Variants in CAMK2B observed in about 807,000 individuals in gnomAD.
CAMK2B encodes the protein calcium/calmodulin dependent protein kinase II beta, also known as calcium/calmodulin-dependent protein kinase type II subunit beta.
Under a neutral mutation model 93.7 loss-of-function variants are expected in CAMK2B, and 27 were observed. The ratio of observed to expected loss-of-function variants is 0.29; its 90% confidence interval spans 0.21 to 0.40. CAMK2B has a LOEUF of 0.40. Ranked by LOEUF, CAMK2B falls within the 10% of genes least tolerant of loss-of-function variation. The pLI, the probability that CAMK2B is intolerant of heterozygous loss-of-function variation, is 1.00. For missense variants in CAMK2B, 568 were observed against 895.8 expected, an observed-to-expected ratio of 0.63 and a Z score of 4.67; for synonymous variants, 374 against 358.8, an observed-to-expected ratio of 1.04 and a Z score of -0.48.
chr7:44,262,787 G>A lies in CAMK2B; in HGVS notation c.220+218C>T, dbSNP rs868676096. 7.2e-5 allele frequency among the ~76,000 whole-genome samples: 11 copies of A among 152,174 alleles called. 2 individuals are homozygous for A. The South Asian group carries it at 1.0e-3, about 14-fold the overall frequency. On this transcript the variant is annotated intron_variant, in intron 3 of 23. Coordinates refer to ENST00000395749, the MANE Select transcript of CAMK2B (RefSeq NM_001220.5). Reference sequence around the variant, plus strand: ...CAGAGCCCCACCTTGGGGCTGCCCCGGCTCTGAGCACCCCCGGGAATCATG... The same window carrying A: ...CAGAGCCCCACCTTGGGGCTGCCCCAGCTCTGAGCACCCCCGGGAATCATG...
chr7:44,226,668 G>A (rs201096483), intron 19 of CAMK2B, 24 bp from the exon 20 acceptor site: 292 of 1,517,592 alleles, frequency 1.9e-4, no homozygotes, highest in Middle Eastern at 9.4e-4. Flanking sequence ...GACGAGACGT[G>A]AACACAAGGC....
rs372486674 is a variant in CAMK2B, at chr7:44,220,122, G to A, written c.1941C>T (p.Asp647=). The A allele has an allele frequency of 9.6e-5, 155 of 1,611,430 alleles. 2 individuals are homozygous for A. The highest frequency in any genetic ancestry group is 2.3e-4 in the African/African-American group (17 of 75,052). ...SEETRVWHRR[D]GKWQNVHFHC... ...GGAAGTGCACGTTCTGCCACTTGCCGTCGCGGCGGTGCCACACGCGGGTCT... is the reference window on the plus strand; with the variant it reads ...GGAAGTGCACGTTCTGCCACTTGCCATCGCGGCGGTGCCACACGCGGGTCT... The change falls in exon 23 of 24, where the codon GAC becomes GAT. Residue 647 remains aspartate (D), a synonymous_variant. Coordinates refer to ENST00000395749, the MANE Select transcript of CAMK2B (RefSeq NM_001220.5).
At chr7:44,279,396 G>A (rs554507406) in intron 2 of CAMK2B, among the ~76,000 whole-genome samples, 1 of 152,376 alleles carries the variant, frequency 6.6e-6, no homozygotes, top group South Asian at 2.1e-4. Context: ...GAGGGCCTGT[G>A]TACAACTCGA....
intron 20 of CAMK2B, among the ~76,000 whole-genome samples, chr7:44,222,281 C>A (rs1451578924): frequency 6.6e-6 from 1 of 152,200 alleles, no homozygotes; most frequent in Non-Finnish European, 1.5e-5. Flanking sequence ...GCAGGCCGCA[C>A]CTGGGACACC....
At chr7:44,232,789 G>A in intron 16 of CAMK2B, 33 bp downstream of exon 16, 1 of 1,608,672 alleles carries the variant, frequency 6.2e-7, no homozygotes, top group Non-Finnish European at 8.5e-7. Flanking sequence ...CCTCCTGCCT[G>A]GGGAAAGCGG....
In CAMK2B at chr7:44,286,231, G is replaced by T; in HGVS notation, c.66-2006C>A. Among the ~76,000 whole-genome samples, 1 of 152,068 alleles carries T rather than the reference G, an allele frequency of 6.6e-6. No individual in the cohort carries two copies. Among genetic ancestry groups the T allele is most frequent in the East Asian group, 1.9e-4 (1 of 5,158 alleles). On this transcript the variant is annotated intron_variant, in intron 1 of 23. Transcript: ENST00000395749. This position sits in a 1 kb window ranked among gnomAD's most constrained non-coding sequence, Gnocchi z 4.0. ...GTAAGAGCTTCCCGAAACCAGTCCT[G>T]AGCTACCATCTGTCACGCTCTGACC...
chr7:44,254,187 C>T (rs2096810019), intron 5 of CAMK2B, among the ~76,000 whole-genome samples: 1 of 152,216 alleles, frequency 6.6e-6, no homozygotes, highest in Non-Finnish European at 1.5e-5. Flanking sequence ...GACCATCTGT[C>T]CCTCTTCATC....
At position 44,228,771 on chromosome 7, in the gene CAMK2B, G is replaced by A. The variant is rs746099954; in HGVS notation, c.1468+25C>T. Reference sequence around the variant, plus strand: ...CAGGGAGCTGTCCGGCAGCAGAGGCGGCAGGCCTGGGGGCCACTACTTACA... The same window carrying A: ...CAGGGAGCTGTCCGGCAGCAGAGGCAGCAGGCCTGGGGGCCACTACTTACA... On this transcript the variant is annotated intron_variant, in intron 19 of 23. Coordinates refer to ENST00000395749, the MANE Select transcript of CAMK2B (RefSeq NM_001220.5). 105 of 1,443,830 alleles carry A rather than the reference G, an allele frequency of 7.3e-5. No individual in the cohort carries two copies. In the East Asian group the frequency reaches 1.1e-3, roughly 15 times the overall value. The allele number at this position is 1,443,830 out of a possible 1,614,324, so 89.4% of individuals were successfully genotyped here.
intron 2 of CAMK2B, among the ~76,000 whole-genome samples, chr7:44,263,674 C>A (rs2096900080): frequency 6.6e-6 from 1 of 152,176 alleles, no homozygotes; most frequent in Non-Finnish European, 1.5e-5. Context: ...CTTGGGTGGC[C>A]CCTCCACTGG....
At position 44,243,970 on chromosome 7, in the gene CAMK2B, T is replaced by G. The variant is rs115885033; in HGVS notation, c.415-443A>C. The stretch of plus-strand genomic sequence containing the variant: ...ACTGGCTGAGAGGCTGCAATGGCCC[T>G]CCCTTCCCTCCCTGTTTCTCACTCC... On this transcript the variant is annotated intron_variant, in intron 6 of 23. Coordinates refer to ENST00000395749, the MANE Select transcript of CAMK2B (RefSeq NM_001220.5). Among the ~76,000 whole-genome samples, 647 of 152,266 alleles carry G rather than the reference T, an allele frequency of 4.2e-3. 6 individuals carry two copies. Among genetic ancestry groups the G allele is most frequent in the African/African-American group, 0.015 (607 of 41,550 alleles).
rs767955476 is a variant in CAMK2B at position 44,220,195 on chromosome 7, G to A, written c.1868C>T (p.Thr623Met). 11 of 1,613,194 alleles carry A rather than the reference G, an allele frequency of 6.8e-6. No individual in the cohort carries two copies. The highest frequency in any genetic ancestry group is 2.2e-5 in the East Asian group (1 of 44,886). The change falls in exon 23 of 24, where the codon ACG becomes ATG. Residue 623 changes from threonine to methionine, a missense_variant. Thr to Met is a moderately conservative substitution (Grantham distance 81, BLOSUM62 -1). Transcript: ENST00000395749. ...DAACIAYIRL[T>M]QYIDGQGRPR... ...CCGGCCCTGCCCGTCAATGTACTGCGTGAGCCGGATGTAAGCGATGCAGGC... is the reference window on the plus strand; with the variant it reads ...CCGGCCCTGCCCGTCAATGTACTGCATGAGCCGGATGTAAGCGATGCAGGC...
chr7:44,221,720 G>GCC (rs57522294), intron 20 of CAMK2B, among the ~76,000 whole-genome samples: 1 of 152,140 alleles, frequency 6.6e-6, no homozygotes, highest in African/African-American at 2.4e-5. Context: ...GCTCCTGCCC[G>GCC]CCCCCCTTGG....
intron 2 of CAMK2B, among the ~76,000 whole-genome samples, chr7:44,266,351 G>C (rs2096921269): frequency 6.6e-6 from 1 of 152,252 alleles, no homozygotes; most frequent in Admixed American, 6.5e-5. Flanking sequence ...CACAAAACCA[G>C]GGACATTATT....
chr7:44,318,545 C>G (rs1475590058), intron 1 of CAMK2B, among the ~76,000 whole-genome samples: 1 of 152,232 alleles, frequency 6.6e-6, no homozygotes, highest in Non-Finnish European at 1.5e-5. Context: ...TCCTCAGCTC[C>G]TTGCTGGAAA....
At chr7:44,241,640 C>G (rs2096679964) in intron 11 of CAMK2B, 60 bp downstream of exon 11, 1 of 1,399,110 alleles carries the variant, frequency 7.1e-7, no homozygotes, top group Admixed American at 1.7e-5. Context: ...CCCCCCTGCT[C>G]CAGCCCAGAG....
At chr7:44,255,828 G>A (rs2096828982) in intron 4 of CAMK2B, among the ~76,000 whole-genome samples, 1 of 152,200 alleles carries the variant, frequency 6.6e-6, no homozygotes, top group Admixed American at 6.5e-5. Context: ...TGTGTTGAAT[G>A]TCGGCTCACC....
intron 1 of CAMK2B, among the ~76,000 whole-genome samples, chr7:44,310,628 AAAGG>A (rs1793289590): frequency 6.6e-6 from 1 of 152,226 alleles, no homozygotes; most frequent in African/African-American, 2.4e-5. Flanking sequence ...TCAGCCTTAA[AAAGG>A]AAGGAAATGC....
In CAMK2B at chr7:44,218,911, C is replaced by T. The variant is rs1177302176; in HGVS notation, c.*614G>A. On this transcript the variant is annotated 3_prime_UTR_variant, in exon 24 of 24. Transcript: ENST00000395749. ...CACGGAAAACCCACACCTAGCCCTT[C>T]AGGGGATGAAAGGAAGGGAAGGGAA... The T allele has an allele frequency of 6.6e-6, 1 of 152,266 alleles. No homozygotes were observed. The highest frequency in any genetic ancestry group is 2.4e-5 in the African/African-American group (1 of 41,420). The allele number at this position is 152,266 out of a possible 1,614,324, so 9.4% of individuals were successfully genotyped here. A position where few individuals can be genotyped will look rare whatever the true frequency, so the allele number is the denominator to read the frequency against.
intron 1 of CAMK2B, among the ~76,000 whole-genome samples, chr7:44,290,021 C>G (rs567906590): frequency 6.6e-6 from 1 of 152,302 alleles, no homozygotes; most frequent in Non-Finnish European, 1.5e-5. Context: ...TGAGCCTCAC[C>G]GGTCGGTTGC....
Sources: allele counts gnomAD v4.1 joint callset (sites outside exome capture counted in the v4.1 genomes callset), GRCh38; gene constraint gnomAD v4.1.1; non-coding constraint Gnocchi (gnomAD v3.1); transcripts MANE v1.5; gene names NCBI Gene and HGNC (gene_info 2026-07-23, HGNC 2026-07-21).